Variants in RSBN1L observed in about 807,000 individuals in gnomAD.
RSBN1L encodes lysine-specific demethylase RSBN1L.
Under a neutral mutation model 67.7 loss-of-function variants are expected in RSBN1L, and 30 were observed. The ratio of observed to expected loss-of-function variants is 0.44; its 90% CI spans 0.33 to 0.60. The LOEUF is 0.60. RSBN1L is among the 20% of genes least tolerant of loss of function. The pLI is 0.02. For synonymous variants in RSBN1L, 433 were observed against 387.0 expected (o/e 1.12, Z -1.39); for missense variants, 992 against 1,031.7 (o/e 0.96, Z 0.53).
chr7:77,778,455 A>G lies in RSBN1L; in HGVS notation c.1902+9A>G. Reference sequence around the variant, plus strand: ...AACCTCCACTGTCCCAGGTATTTTTAATACACTTACTGTCTTTGGTTTAGT... The same window carrying G: ...AACCTCCACTGTCCCAGGTATTTTTGATACACTTACTGTCTTTGGTTTAGT... On this transcript the variant is annotated intron_variant, in intron 7 of 7. Coordinates refer to ENST00000334955, the MANE Select transcript of RSBN1L (RefSeq NM_198467.3). 1 of 1,602,476 alleles carries G rather than the reference A, an allele frequency of 6.2e-7. No individual in the cohort carries two copies. Among genetic ancestry groups the G allele is most frequent in the Non-Finnish European group, 8.5e-7 (1 of 1,174,338 alleles).
At chr7:77,701,191 A>AC (rs1182889134) in intron 1 of RSBN1L, among the ~76,000 whole-genome samples, 10 of 150,004 alleles carry the variant, frequency 6.7e-5, no homozygotes, top group East Asian at 2.0e-4. Flanking sequence ...AACAACAACA[A>AC]AAAAAAACGA....
At chr7:77,697,086 G>A in intron 1 of RSBN1L, 31 bp downstream of exon 1, 1 of 1,354,784 alleles carries the variant, frequency 7.4e-7, no homozygotes, top group Non-Finnish European at 9.4e-7. Context: ...GGGAGGGGAG[G>A]GCGCCGTGGG....
intron 1 of RSBN1L, among the ~76,000 whole-genome samples, chr7:77,726,644 G>C (rs975896715): frequency 2.0e-5 from 3 of 151,950 alleles, no homozygotes; most frequent in Admixed American, 2.0e-4. Flanking sequence ...GAACGTTGCT[G>C]TGTCACCCAG....
At position 77,779,212 on chromosome 7, in the gene RSBN1L, G is replaced by A. The variant is rs1450654937; in HGVS notation, c.*44G>A. 8 of 1,352,882 alleles carry A rather than the reference G, an allele frequency of 5.9e-6. No homozygotes were observed. Among genetic ancestry groups the A allele is most frequent in the Non-Finnish European group, 8.1e-6 (8 of 992,744 alleles). The allele number at this position is 1,352,882 out of a possible 1,614,324, so 83.8% of individuals were successfully genotyped here. A position where few individuals can be genotyped will look rare whatever the true frequency, so the allele number is the denominator to read the frequency against. The stretch of plus-strand genomic sequence containing the variant: ...AAATCCTTTTTTAAAAAAATTTAAT[G>A]TAATAAAGATTCATGAATTCTGAAA... On this transcript the variant is annotated 3_prime_UTR_variant, in exon 8 of 8. Coordinates refer to ENST00000334955, the MANE Select transcript of RSBN1L (RefSeq NM_198467.3).
intron 6 of RSBN1L, among the ~76,000 whole-genome samples, chr7:77,777,855 G>A (rs117733609): frequency 1.4e-4 from 22 of 152,034 alleles, no homozygotes; most frequent in Non-Finnish European, 3.1e-4. Flanking sequence ...TATTGTATTA[G>A]TACTTTTCCA....
chr7:77,716,490 G>T (rs1393582632), intron 1 of RSBN1L, among the ~76,000 whole-genome samples: 1 of 147,556 alleles, frequency 6.8e-6, no homozygotes, highest in Non-Finnish European at 1.5e-5. Flanking sequence ...ATTAACTTGA[G>T]AATTATTCTG....
chr7:77,739,387 C>G (rs563249106), intron 2 of RSBN1L, among the ~76,000 whole-genome samples: 29 of 152,126 alleles, frequency 1.9e-4, no homozygotes, highest in African/African-American at 6.7e-4. Context: ...GTATGTCACA[C>G]CAATTCATTT....
chr7:77,719,308 GTAAC>G (rs1476406298), intron 1 of RSBN1L, among the ~76,000 whole-genome samples: 3 of 152,184 alleles, frequency 2.0e-5, no homozygotes, highest in Non-Finnish European at 4.4e-5. Context: ...GTGAAAAAGT[GTAAC>G]TAAGAGTATA....
intron 2 of RSBN1L, among the ~76,000 whole-genome samples, chr7:77,740,482 G>A (rs1791393446): frequency 6.6e-6 from 1 of 152,180 alleles, no homozygotes; most frequent in Non-Finnish European, 1.5e-5. Context: ...GGCTGGAAGA[G>A]TGACAACATT....
At chr7:77,732,221 A>C (rs1420402697) in intron 1 of RSBN1L, among the ~76,000 whole-genome samples, 1 of 152,236 alleles carries the variant, frequency 6.6e-6, no homozygotes, top group African/African-American at 2.4e-5. Flanking sequence ...TAAATGAATA[A>C]AAACTGAATA....
intron 3 of RSBN1L, among the ~76,000 whole-genome samples, chr7:77,756,700 T>C (rs1174780686): frequency 6.6e-6 from 1 of 151,958 alleles, no homozygotes; most frequent in Non-Finnish European, 1.5e-5. Flanking sequence ...ATCGCTTGAA[T>C]CCAGGAGGCG....
chr7:77,730,384 T>G (rs937319006), intron 1 of RSBN1L, among the ~76,000 whole-genome samples: 4 of 152,346 alleles, frequency 2.6e-5, no homozygotes, highest in African/African-American at 7.2e-5. Flanking sequence ...TTCCAACTGA[T>G]GAACCTGCAT....
Position 77,761,204 on chromosome 7 carries a change from A to G in RSBN1L, c.1345-4291A>G, listed in dbSNP as rs190021549. 5.1e-3 allele frequency among the ~76,000 whole-genome samples: 779 copies of G among 152,362 alleles called. 5 individuals carry two copies. Among genetic ancestry groups the G allele is most frequent in the Non-Finnish European group, 6.3e-3 (426 of 68,024 alleles). The stretch of plus-strand genomic sequence containing the variant: ...TTCAGTATTGGTTTGTCATTATGAT[A>G]CAATACTGATGCCTTAGGGCAGCTG... On this transcript the variant is annotated intron_variant, in intron 3 of 7. Coordinates refer to ENST00000334955, the MANE Select transcript of RSBN1L (RefSeq NM_198467.3).
intron 5 of RSBN1L, among the ~76,000 whole-genome samples, chr7:77,772,149 G>A (rs1036777036): frequency 8.5e-5 from 13 of 152,158 alleles, no homozygotes; most frequent in Admixed American, 3.3e-4. Flanking sequence ...GACACATGTA[G>A]AACATTATTC....
At chr7:77,749,306 A>G in intron 2 of RSBN1L, 118 bp from the exon 3 acceptor site, 1 of 758,400 alleles carries the variant, frequency 1.3e-6, no homozygotes, top group Non-Finnish European at 2.1e-6. Flanking sequence ...TGAGTCCTAA[A>G]TATATAATTC....
rs1447649824 is a variant in RSBN1L at position 77,749,552 on chromosome 7, A to G, written c.832A>G (p.Thr278Ala). ...RPKMYSKSIQ[T>A]ICSGLLTDVE... Reference sequence around the variant, plus strand: ...GAAAATGTATAGCAAATCTATTCAGACCATCTGCTCAGGATTGCTAACTGA... The same window carrying G: ...GAAAATGTATAGCAAATCTATTCAGGCCATCTGCTCAGGATTGCTAACTGA... Residue 278 changes from threonine to alanine, a missense_variant, in exon 3 of 8, where the codon ACC becomes GCC. By Grantham distance (58) the Thr-to-Ala change is moderately conservative. This residue lies in a region of RSBN1L where 575 missense variants were observed against 483.2 expected (regional missense o/e 1.19). Coordinates refer to ENST00000334955, the MANE Select transcript of RSBN1L (RefSeq NM_198467.3). 1 of 1,613,828 alleles carries G rather than the reference A, an allele frequency of 6.2e-7. No individual in the cohort carries two copies.
chr7:77,782,574 TTAAA>T lies in RSBN1L; in HGVS notation c.*3411_*3414del, dbSNP rs984415217. On this transcript the variant is annotated 3_prime_UTR_variant, in exon 8 of 8. Transcript: ENST00000334955. Reference sequence around the variant, plus strand: ...TTCCTTGTCACCAAGGCTGTTGACCTTAAATAAACATTAAGTTGATTTTGCACAA... The same window carrying T: ...TTCCTTGTCACCAAGGCTGTTGACCTTAAACATTAAGTTGATTTTGCACAA... 2 of 152,214 alleles carry T rather than the reference TTAAA, an allele frequency of 1.3e-5. No individual in the cohort carries two copies. Among genetic ancestry groups the T allele is most frequent in the African/African-American group, 4.8e-5 (2 of 41,458 alleles). The allele number at this position is 152,214 out of a possible 1,614,324, so 9.4% of individuals were successfully genotyped here.
chr7:77,700,948 G>A (rs1010421378), intron 1 of RSBN1L, among the ~76,000 whole-genome samples: 1 of 151,998 alleles, frequency 6.6e-6, no homozygotes, highest in African/African-American at 2.4e-5. Context: ...CCTGAGCTCA[G>A]GAGTTCAACA....
intron 1 of RSBN1L, among the ~76,000 whole-genome samples, chr7:77,704,060 TG>T (rs1157790662): frequency 6.6e-6 from 1 of 152,262 alleles, no homozygotes; most frequent in Admixed American, 6.5e-5. Context: ...CCTGGCATAT[TG>T]TTAGGCATTC....
Sources: gnomAD v4.1 joint callset for allele counts (sites outside exome capture counted in the v4.1 genomes callset) on GRCh38, gnomAD v4.1.1 for gene constraint, gnomAD v4.1.1 regional missense constraint, MANE v1.5 for transcripts, NCBI Gene and HGNC (gene_info 2026-07-23, HGNC 2026-07-21) for gene names.